The following PAQR9 variants were observed in gnomAD, a reference collection of about 807,000 sequenced individuals.
PAQR9 encodes the protein progestin and adipoQ receptor family member 9, also known as membrane progestin receptor epsilon.
A neutral mutation model predicts 24.0 loss-of-function variants in PAQR9; 12 were observed. The ratio of observed to expected loss-of-function variants is 0.50; its 90% CI spans 0.32 to 0.81. PAQR9 has a LOEUF of 0.81. PAQR9 is among the 30% of genes least tolerant of loss of function. The pLI is 0.03. For synonymous variants in PAQR9, 266 were observed against 237.6 expected (o/e 1.12, Z -1.10); for missense variants, 418 against 520.8 (o/e 0.80, Z 1.92).
At chr3:142,952,012 A>G (rs1553825949), downstream of PAQR9, among the ~76,000 whole-genome samples, 1 of 138,458 alleles carries the variant, frequency 7.2e-6, no homozygotes, top group Non-Finnish European at 1.5e-5. Flanking sequence ...GGCGGTGTGC[A>G]CTACTCTTTC....
At chr3:142,952,558 A>G (rs1934730342), downstream of PAQR9, among the ~76,000 whole-genome samples, 1 of 152,232 alleles carries the variant, frequency 6.6e-6, no homozygotes, top group Non-Finnish European at 1.5e-5. Flanking sequence ...ACTCAATTGT[A>G]AAATGAAGGA....
Position 142,961,988 on chromosome 3 carries a change from C to A in PAQR9, c.*215G>T, listed in dbSNP as rs1429355027. The A allele has an allele frequency of 1.8e-6, 1 of 562,564 alleles. No homozygotes were observed. Among genetic ancestry groups the A allele is most frequent in the Non-Finnish European group, 3.1e-6 (1 of 319,826 alleles). The allele number at this position is 562,564 out of a possible 1,614,324, so 34.8% of individuals were successfully genotyped here. On this transcript the variant is annotated 3_prime_UTR_variant, in exon 1 of 1. Coordinates refer to ENST00000340634, the MANE Select transcript of PAQR9 (RefSeq NM_198504.4). ...TCCAGGGGCAAGAACAAGTGACTAT[C>A]TCCCTCCCGCTTGACCACCCCTGCC...
At position 142,963,016 on chromosome 3, in the gene PAQR9, C is replaced by G. The variant is rs748147767; in HGVS notation, c.321G>C (p.Leu107=). Reference sequence around the variant, plus strand: ...GGTGGAAGGGCACGTCGCCGCCGCTCAGGAAGAACAGACGGCAGAACTTGC... The same window carrying G: ...GGTGGAAGGGCACGTCGCCGCCGCTGAGGAAGAACAGACGGCAGAACTTGC... The part of the protein sequence containing the change: ...FLSKFCRLFF[L]SGGDVPFHHP... The change falls in exon 1 of 1, where the codon CTG becomes CTC. Residue 107 remains leucine, a synonymous_variant. Transcript: ENST00000340634. 2.5e-6 allele frequency: 4 copies of G among 1,614,160 alleles called. No individual in the cohort carries two copies. The highest frequency in any genetic ancestry group is 2.5e-6 in the Non-Finnish European group (3 of 1,180,012).
At position 142,963,439 on chromosome 3, in the gene PAQR9, C is replaced by T; in HGVS notation, c.-103G>A. Reference sequence around the variant, plus strand: ...CGCCGTCGGAGCCTTTGTGCCCACGCCGGGGGCGTCGCTGCAGGTTTAGGA... The same window carrying T: ...CGCCGTCGGAGCCTTTGTGCCCACGTCGGGGGCGTCGCTGCAGGTTTAGGA... On this transcript the variant is annotated 5_prime_UTR_variant, in exon 1 of 1. Coordinates refer to ENST00000340634, the MANE Select transcript of PAQR9 (RefSeq NM_198504.4). The T allele has an allele frequency of 9.5e-7, 1 of 1,050,310 alleles. No homozygotes were observed. The highest frequency in any genetic ancestry group is 1.1e-6 in the Non-Finnish European group (1 of 874,656). 65.1% of individuals were successfully genotyped at this position (1,050,310 alleles called of 1,614,324 possible). A position where few individuals can be genotyped will look rare whatever the true frequency, so the allele number is the denominator to read the frequency against.
downstream of PAQR9, among the ~76,000 whole-genome samples, chr3:142,953,039 C>T (rs1055800971): frequency 6.6e-6 from 1 of 152,124 alleles, no homozygotes; most frequent in Non-Finnish European, 1.5e-5. Flanking sequence ...AGAGATCTTC[C>T]CAGCACACAG....
rs779628666 is a variant in PAQR9 at position 142,962,923 on chromosome 3, C to T, written c.414G>A (p.Thr138=). Residue 138 remains threonine (T), a synonymous_variant, in exon 1 of 1, where the codon ACG becomes ACA. Transcript: ENST00000340634. ...GCGACAGGCAGCTGAACACGTGCGC[C>T]GTGCAGCTCATGGCGAAGGTCAGCA... ...GVLLTFAMSC[T]AHVFSCLSLR... is the part of the protein sequence containing the mutation. 1.9e-6 allele frequency: 3 copies of T among 1,613,758 alleles called. No homozygotes were observed. The East Asian group carries it at 6.7e-5, about 36-fold the overall frequency.
rs1373926219 is a variant in PAQR9, at chr3:142,962,011, G to C, written c.*192C>G. The C allele has an allele frequency of 7.7e-6, 5 of 652,292 alleles. No individual in the cohort carries two copies. The East Asian group carries it at 1.4e-4, about 19-fold the overall frequency. The allele number at this position is 652,292 out of a possible 1,614,324, so 40.4% of individuals were successfully genotyped here. On this transcript the variant is annotated 3_prime_UTR_variant, in exon 1 of 1. Coordinates refer to ENST00000340634, the MANE Select transcript of PAQR9 (RefSeq NM_198504.4). ...ATCTCCCTCCCGCTTGACCACCCCTGCCAACCTCCCTACTTCAAAGCCTCC... is the reference window on the plus strand; with the variant it reads ...ATCTCCCTCCCGCTTGACCACCCCTCCCAACCTCCCTACTTCAAAGCCTCC...
Position 142,958,182 on chromosome 3 carries a change from T to TAGATG in PAQR9, c.*4020_*4021insCATCT, listed in dbSNP as rs1934824536. ...CTTCAACAGTTGAAGAACAAGATGGTAACAACCATTTTAAGTGGCTGATAA... is the reference window on the plus strand; with the variant it reads ...CTTCAACAGTTGAAGAACAAGATGGTAGATGAACAACCATTTTAAGTGGCTGATAA... On this transcript the variant is annotated 3_prime_UTR_variant, in exon 1 of 1. Transcript: ENST00000340634. Among the ~76,000 whole-genome samples, 1 of 152,230 alleles carries TAGATG rather than the reference T, an allele frequency of 6.6e-6. No homozygotes were observed. The highest frequency in any genetic ancestry group is 2.4e-5 in the African/African-American group (1 of 41,460).
rs1486616571 is a variant in PAQR9 at position 142,960,053 on chromosome 3, C to G, written c.*2150G>C. On this transcript the variant is annotated 3_prime_UTR_variant, in exon 1 of 1. Transcript: ENST00000340634. ...ACATCTGTTGTAAGTACAAATTAGC[C>G]TCTGTAACCTAACAGGAATCTCCTT... 6.6e-6 allele frequency among the ~76,000 whole-genome samples: 1 copy of G among 152,198 alleles called. No homozygotes were observed. The highest frequency in any genetic ancestry group is 2.4e-5 in the African/African-American group (1 of 41,456).
Position 142,963,662 on chromosome 3 carries a change from G to C in PAQR9, c.-326C>G. On this transcript the variant is annotated 5_prime_UTR_variant, in exon 1 of 1. Transcript: ENST00000340634. ...GCGCGGCTGACTGCGGCGGCAGCGC[G>C]GCAGCGGTGACTGGGCATCGCGCGG... 1.6e-6 allele frequency: 1 copy of C among 624,342 alleles called. No individual in the cohort carries two copies. Among genetic ancestry groups the C allele is most frequent in the Non-Finnish European group, 2.0e-6 (1 of 502,266 alleles). 38.7% of individuals were successfully genotyped at this position (624,342 alleles called of 1,614,324 possible).
chr3:142,960,334 C>T lies in PAQR9; in HGVS notation c.*1869G>A, dbSNP rs748694550. The T allele has an allele frequency of 1.3e-5, 2 of 152,190 alleles. No individual in the cohort carries two copies. The highest frequency in any genetic ancestry group is 4.8e-5 in the African/African-American group (2 of 41,440). The allele number at this position is 152,190 out of a possible 1,614,324, so 9.4% of individuals were successfully genotyped here. ...GCCTACCAGTGCTGAGGTAAGTGTT[C>T]ATCTACCTCATATGCATGATCTAAG... On this transcript the variant is annotated 3_prime_UTR_variant, in exon 1 of 1. Coordinates refer to ENST00000340634, the MANE Select transcript of PAQR9 (RefSeq NM_198504.4).
At chr3:142,951,728 C>T, downstream of PAQR9, 1 of 456,578 alleles carries the variant, frequency 2.2e-6, no homozygotes, top group Non-Finnish European at 4.4e-6. Flanking sequence ...GACCAAAGTC[C>T]TTCAGCTATA....
At chr3:142,951,988 G>A (rs945313640), downstream of PAQR9, among the ~76,000 whole-genome samples, 4 of 148,384 alleles carry the variant, frequency 2.7e-5, no homozygotes, top group African/African-American at 7.5e-5. Context: ...GTGAGTGGGA[G>A]GTACGAAAAC....
chr3:142,959,694 TCAAAGA>T lies in PAQR9; in HGVS notation c.*2503_*2508del, dbSNP rs1256759872. ...ATCCTTAAGTGGCCTCTCCTTAAGG[TCAAAGA>T]CAAAGGACAAGAAGAGAATTCTGTC... On this transcript the variant is annotated 3_prime_UTR_variant, in exon 1 of 1. Transcript: ENST00000340634. Among the ~76,000 whole-genome samples, 2 of 152,220 alleles carry T rather than the reference TCAAAGA, an allele frequency of 1.3e-5. No homozygotes were observed. Among genetic ancestry groups the T allele is most frequent in the East Asian group, 3.9e-4 (2 of 5,174 alleles).
Position 142,955,477 on chromosome 3 carries a change from A to AAAAG in PAQR9, c.*6725_*6726insCTTT, listed in dbSNP as rs1553826345. On this transcript the variant is annotated 3_prime_UTR_variant, in exon 1 of 1. Transcript: ENST00000340634. ...AAAAAAAAAAAAAAAAAAAAAAAAA[A>AAAAG]GCAGCCACAGAATCCTCCCCCAGCC... 9.2e-6 allele frequency among the ~76,000 whole-genome samples: 1 copy of AAAAG among 108,458 alleles called. No individual in the cohort carries two copies. Among genetic ancestry groups the AAAAG allele is most frequent in the Non-Finnish European group, 1.9e-5 (1 of 52,046 alleles). The allele number at this position is 108,458 out of a possible 152,430, so 71.2% of individuals were successfully genotyped here. A position where few individuals can be genotyped will look rare whatever the true frequency, so the allele number is the denominator to read the frequency against.
chr3:142,953,649 T>G (rs1252006204), downstream of PAQR9, among the ~76,000 whole-genome samples: 1 of 152,144 alleles, frequency 6.6e-6, no homozygotes. Context: ...TATAGTGGAA[T>G]GCCTGTGGAC....
chr3:142,951,467 T>C, downstream of PAQR9: 1 of 272,182 alleles, frequency 3.7e-6, no homozygotes, highest in South Asian at 3.4e-5. Flanking sequence ...ATGATTGATT[T>C]GGGGAATAAA....
In PAQR9 at chr3:142,954,729, G is replaced by A. The variant is rs1403749296; in HGVS notation, c.*7474C>T. ...CAAAATCATAGCAAATCATACAACA[G>A]AAATGTGTCACATTTTTTTTTCAGC... On this transcript the variant is annotated 3_prime_UTR_variant, in exon 1 of 1. Transcript: ENST00000340634. Among the ~76,000 whole-genome samples, 1 of 152,130 alleles carries A rather than the reference G, an allele frequency of 6.6e-6. No homozygotes were observed. Among genetic ancestry groups the A allele is most frequent in the African/African-American group, 2.4e-5 (1 of 41,424 alleles).
At chr3:142,963,698 TCCGCCG>T, upstream of PAQR9, 1 of 702,126 alleles carries the variant, frequency 1.4e-6, no homozygotes, top group Non-Finnish European at 1.7e-6. Flanking sequence ...TGCGGGTGCC[TCCGCCG>T]CCGCCGCCCC....
Sources: gnomAD v4.1 joint callset for allele counts (sites outside exome capture counted in the v4.1 genomes callset) on GRCh38, gnomAD v4.1.1 for gene constraint, MANE v1.5 for transcripts, NCBI Gene and HGNC (gene_info 2026-07-23, HGNC 2026-07-21) for gene names.